ARHGEF9: variants seen among roughly 807,000 people sequenced by gnomAD.
ARHGEF9 encodes rho guanine nucleotide exchange factor 9.
ARHGEF9 carries 2 observed loss-of-function variants against 41.3 expected under a neutral mutation model. That is an observed-to-expected ratio of 0.05 (90% confidence interval 0.02 to 0.15). The LOEUF (loss-of-function observed/expected upper bound fraction) is 0.15, where lower values mean the gene tolerates loss of function less well. ARHGEF9 is among the 10% of genes least tolerant of loss of function. The pLI is 1.00. For synonymous variants in ARHGEF9, 160 were observed against 154.4 expected (o/e 1.04, Z -0.27); for missense variants, 225 against 424.7 (o/e 0.53, Z 4.13).
chrX:63,705,083 A>ATT (rs1384368258), intron 3 of ARHGEF9, among the ~76,000 whole-genome samples: 3 of 112,623 alleles, frequency 2.7e-5, no homozygotes, highest in African/African-American at 9.7e-5. Flanking sequence ...TACCAGCCAC[A>ATT]TTTTAACTCT....
At chrX:63,682,737 C>T (rs1489348017) in intron 4 of ARHGEF9, among the ~76,000 whole-genome samples, 6 of 111,607 alleles carry the variant, frequency 5.4e-5, no homozygotes, top group Non-Finnish European at 1.1e-4. Context: ...AAAAACCACA[C>T]GGTTATTTCA....
chrX:63,665,613 G>T (rs2049484490), intron 7 of ARHGEF9, among the ~76,000 whole-genome samples: 1 of 112,406 alleles, frequency 8.9e-6, no homozygotes, highest in Non-Finnish European at 1.9e-5. Flanking sequence ...AAGAAAGTGA[G>T]AAGGAGCACC....
chrX:63,744,927 C>A (rs2055175498), intron 1 of ARHGEF9, among the ~76,000 whole-genome samples: 1 of 111,958 alleles, frequency 8.9e-6, no homozygotes, highest in South Asian at 3.7e-4. Flanking sequence ...CCATGCAGGG[C>A]TTATCAGAGC....
intron 4 of ARHGEF9, among the ~76,000 whole-genome samples, chrX:63,689,979 T>C (rs1279271397): frequency 6.3e-5 from 7 of 111,113 alleles, no homozygotes; most frequent in African/African-American, 2.3e-4. Flanking sequence ...CTAAAGCCTA[T>C]GAAATAAAGC....
At chrX:63,747,980 T>A (rs2055376966) in intron 1 of ARHGEF9, among the ~76,000 whole-genome samples, 2 of 112,349 alleles carry the variant, frequency 1.8e-5, no homozygotes. Flanking sequence ...AGATTTACCA[T>A]GAGTAAGAGG....
intron 4 of ARHGEF9, among the ~76,000 whole-genome samples, chrX:63,679,132 GA>G (rs1336851959): frequency 9.0e-6 from 1 of 111,395 alleles, no homozygotes; most frequent in African/African-American, 3.3e-5. Flanking sequence ...TAATGGCTGA[GA>G]AAAAAATGTA....
chrX:63,715,479 C>A (rs1387458919), intron 2 of ARHGEF9, among the ~76,000 whole-genome samples: 1 of 111,203 alleles, frequency 9.0e-6, no homozygotes, highest in Non-Finnish European at 1.9e-5. Context: ...GGTGATGTGG[C>A]AAACACTGGC....
At chrX:63,677,881 A>T (rs1488304096) in intron 5 of ARHGEF9, among the ~76,000 whole-genome samples, 1 of 112,060 alleles carries the variant, frequency 8.9e-6, no homozygotes, top group Non-Finnish European at 1.9e-5. Context: ...TTTTAAGATG[A>T]ATTATGCCAT....
intron 5 of ARHGEF9, among the ~76,000 whole-genome samples, chrX:63,674,676 A>G (rs1556360018): frequency 9.0e-6 from 1 of 111,357 alleles, no homozygotes; most frequent in Non-Finnish European, 1.9e-5. Flanking sequence ...GTCTGCTTTC[A>G]TCTTCTCTAT....
intron 1 of ARHGEF9, chrX:63,727,534 T>C (rs1556417776): frequency 8.9e-6 from 1 of 112,007 alleles, no homozygotes; most frequent in Non-Finnish European, 1.9e-5. Context: ...CATGCCCTCA[T>C]TTTATAGATG....
At chrX:63,785,036 G>A (rs1602768249) in intron 1 of ARHGEF9, 80 bp downstream of exon 1, 1 of 1,118,880 alleles carries the variant, frequency 8.9e-7, no homozygotes, top group African/African-American at 1.8e-5. Flanking sequence ...TCACTGCCTT[G>A]TGGCTCGTTG....
rs190473691 is a variant in ARHGEF9 at position 63,637,164 on chromosome X, C to T, written c.*864G>A. 3.4e-6 allele frequency: 1 copy of T among 297,521 alleles called. No individual in the cohort carries two copies. 24.5% of individuals were successfully genotyped at this position (297,521 alleles called of 1,213,427 possible). The stretch of plus-strand genomic sequence containing the variant: ...ACTCCTAGATGCAAAATTGCAACGA[C>T]CCAGAAGTGCTGCAACATGGGAAAC... On this transcript the variant is annotated 3_prime_UTR_variant, in exon 10 of 10. Transcript: ENST00000671741.
rs782614874 is a variant in ARHGEF9, at chrX:63,666,319, G to A, written c.946-302C>T. Among the ~76,000 whole-genome samples the A allele has an allele frequency of 5.7e-5, 6 of 105,695 alleles. No individual in the cohort carries two copies. The South Asian group carries it at 2.7e-3, about 48-fold the overall frequency. The allele number at this position is 105,695 out of a possible 115,157, so 91.8% of individuals were successfully genotyped here. A position where few individuals can be genotyped will look rare whatever the true frequency, so the allele number is the denominator to read the frequency against. On this transcript the variant is annotated intron_variant, in intron 6 of 9. Coordinates refer to ENST00000671741, the MANE Select transcript of ARHGEF9 (RefSeq NM_001353921.2). ...GTTCTCTGTCTGTCTGTCTCTCTCT[G>A]TGTCTGCCTCTCTCTCTCTCTCTCT...
At chrX:63,652,085 G>A (rs1452048162) in intron 8 of ARHGEF9, among the ~76,000 whole-genome samples, 5 of 111,442 alleles carry the variant, frequency 4.5e-5, no homozygotes, top group Non-Finnish European at 7.6e-5. Flanking sequence ...TATTAAAACT[G>A]TTCACATCCT....
At chrX:63,671,266 C>A (rs2049942242) in intron 6 of ARHGEF9, 1 of 111,533 alleles carries the variant, frequency 9.0e-6, no homozygotes, top group South Asian at 3.8e-4. Context: ...ACTTCTTGGG[C>A]AGGTGGAATG....
chrX:63,703,307 T>C (rs1430845362), intron 3 of ARHGEF9: 4 of 112,267 alleles, frequency 3.6e-5, no homozygotes, highest in African/African-American at 1.3e-4. Context: ...ATAACTTCCA[T>C]TGCTGTCCTG....
rs782763775 is a variant in ARHGEF9 at position 63,760,704 on chromosome X, G to T, written c.30+24412C>A. Reference sequence around the variant, plus strand: ...CCTCTCTATAGTACATGAAAGGTGAGGGGGAGGAGGAGAAGGAAACACCTA... The same window carrying T: ...CCTCTCTATAGTACATGAAAGGTGATGGGGAGGAGGAGAAGGAAACACCTA... On this transcript the variant is annotated intron_variant, in intron 1 of 9. Transcript: ENST00000671741. Among the ~76,000 whole-genome samples the T allele has an allele frequency of 1.3e-3, 148 of 111,833 alleles. 1 individual carries two copies. Among genetic ancestry groups the T allele is most frequent in the African/African-American group, 4.6e-3 (143 of 30,780 alleles).
At chrX:63,750,370 CGGTG>C (rs1602696121) in intron 1 of ARHGEF9, among the ~76,000 whole-genome samples, 1 of 111,396 alleles carries the variant, frequency 9.0e-6, no homozygotes, top group African/African-American at 3.3e-5. Context: ...ACACACACAC[CGGTG>C]GGTGAGAGTC....
At chrX:63,644,142 A>T in intron 8 of ARHGEF9, 94 bp from the exon 9 acceptor site, 1 of 588,759 alleles carries the variant, frequency 1.7e-6, no homozygotes, top group Non-Finnish European at 2.5e-6. Flanking sequence ...AAGATTTGCT[A>T]AGACATATAA....
Sources: gnomAD v4.1 joint callset for allele counts (sites outside exome capture counted in the v4.1 genomes callset) on GRCh38, gnomAD v4.1.1 for gene constraint, MANE v1.5 for transcripts, NCBI Gene and HGNC (gene_info 2026-07-23, HGNC 2026-07-21) for gene names.